The following TRPM3 variants were observed in gnomAD, a reference collection of about 807,000 sequenced individuals.
TRPM3 encodes the protein transient receptor potential cation channel subfamily M member 3.
In TRPM3, 77 loss-of-function variants were observed where a neutral mutation model predicts 181.2. The ratio of observed to expected loss-of-function variants is 0.42; its 90% confidence interval spans 0.35 to 0.51. The LOEUF (loss-of-function observed/expected upper bound fraction) is 0.51. TRPM3 is among the 20% of genes least tolerant of loss of function. The probability of loss-of-function intolerance (pLI) is 0.01; values close to 1 mark genes in which losing one functional copy is unlikely to be tolerated. For synonymous variants in TRPM3, 745 were observed against 796.4 expected (o/e 0.94, Z 1.09); for missense variants, 1,759 against 2,196.7 (o/e 0.80, Z 3.98).
intron 1 of TRPM3, among the ~76,000 whole-genome samples, chr9:71,046,716 C>G (rs879703824): frequency 6.6e-6 from 1 of 152,232 alleles, no homozygotes; most frequent in Admixed American, 6.5e-5. Context: ...TAATTATACA[C>G]ACAAACCCTT....
chr9:70,854,376 T>C (rs1479226351), intron 3 of TRPM3, among the ~76,000 whole-genome samples: 2 of 152,140 alleles, frequency 1.3e-5, no homozygotes, highest in Admixed American at 1.3e-4. Flanking sequence ...TAAACAGGGG[T>C]GATCCTGACG....
chr9:71,142,948 T>A (rs1333246623), intron 1 of TRPM3, among the ~76,000 whole-genome samples: 4 of 138,956 alleles, frequency 2.9e-5, no homozygotes, highest in African/African-American at 1.1e-4. Context: ...TAAAAAATAA[T>A]GGAAAATATA....
intron 1 of TRPM3, among the ~76,000 whole-genome samples, chr9:70,879,958 ACT>A (rs2095954474): frequency 1.3e-5 from 2 of 152,036 alleles, no homozygotes; most frequent in Non-Finnish European, 2.9e-5. Flanking sequence ...TGGTAGACAC[ACT>A]CCTAGTATTG....
chr9:71,421,046 C>T (rs2093764699), intron 1 of TRPM3, among the ~76,000 whole-genome samples: 2 of 144,116 alleles, frequency 1.4e-5, no homozygotes, highest in African/African-American at 5.5e-5. Flanking sequence ...AGAGAACGAA[C>T]TCACGTCCTT....
intron 1 of TRPM3, among the ~76,000 whole-genome samples, chr9:71,309,575 C>T (rs1168179579): frequency 1.3e-5 from 2 of 152,032 alleles, no homozygotes; most frequent in African/African-American, 2.4e-5. Flanking sequence ...GTTTCTCATT[C>T]TAGGGTTTTT....
At chr9:70,687,060 G>T (rs1452393981) in intron 8 of TRPM3, among the ~76,000 whole-genome samples, 3 of 151,900 alleles carry the variant, frequency 2.0e-5, no homozygotes, top group African/African-American at 7.3e-5. Context: ...CTCCCAACGT[G>T]TTGGGATCAC....
intron 1 of TRPM3, among the ~76,000 whole-genome samples, chr9:71,403,059 T>C (rs769758859): frequency 2.6e-5 from 4 of 152,176 alleles, no homozygotes; most frequent in Non-Finnish European, 5.9e-5. Flanking sequence ...TAGGAGGTAA[T>C]GAGTGGATAA....
chr9:70,783,966 A>G, intron 7 of TRPM3, 139 bp downstream of exon 7: 1 of 1,447,536 alleles, frequency 6.9e-7, no homozygotes, highest in Non-Finnish European at 9.1e-7. Flanking sequence ...CCCTCCCATG[A>G]CAGACATTTT....
chr9:71,073,413 A>C (rs906611627), intron 1 of TRPM3, among the ~76,000 whole-genome samples: 1 of 152,172 alleles, frequency 6.6e-6, no homozygotes, highest in Non-Finnish European at 1.5e-5. Flanking sequence ...TCAAAGAAAA[A>C]CATATTGTAT....
intron 1 of TRPM3, among the ~76,000 whole-genome samples, chr9:70,948,835 G>A (rs555519378): frequency 2.8e-4 from 42 of 152,172 alleles, no homozygotes; most frequent in South Asian, 1.2e-3. Context: ...TACTTAAACC[G>A]TTTTTCTATT....
Position 71,279,853 on chromosome 9 carries a change from G to A in TRPM3, c.183+166800C>T, listed in dbSNP as rs565137661. ...AGCACTTTGGGAGGCCGAGGCAGGC[G>A]GATCACCTGAGGTCAGGAGTTCGAG... On this transcript the variant is annotated intron_variant, in intron 1 of 24. Coordinates refer to the TRPM3 transcript ENST00000357533. 5.3e-5 allele frequency among the ~76,000 whole-genome samples: 8 copies of A among 152,164 alleles called. No individual in the cohort carries two copies. In the South Asian group the frequency reaches 6.2e-4, roughly 12 times the overall value.
chr9:70,910,121 T>C (rs547129813), intron 1 of TRPM3, among the ~76,000 whole-genome samples: 1 of 152,340 alleles, frequency 6.6e-6, no homozygotes, highest in East Asian at 1.9e-4. Context: ...ACAGTACCAT[T>C]ATTCATAATA....
chr9:70,935,492 C>T (rs895658700), intron 1 of TRPM3, among the ~76,000 whole-genome samples: 3 of 152,238 alleles, frequency 2.0e-5, no homozygotes, highest in African/African-American at 7.2e-5. Context: ...ATAGTACCAT[C>T]TAAACAGGAA....
In TRPM3 at chr9:71,332,376, GGTGTGT is replaced by G. The variant is rs3041716; in HGVS notation, c.183+114271_183+114276del. ...TCTAGGTCAGTGGTTTTCAATGTTG[GGTGTGT>G]GTGTGTGTGTGTGTGTGTGTGTGTG... On this transcript the variant is annotated intron_variant, in intron 1 of 24. Transcript: ENST00000357533. Among the ~76,000 whole-genome samples the G allele has an allele frequency of 2.8e-4, 40 of 142,316 alleles. 1 individual carries two copies. The highest frequency in any genetic ancestry group is 1.6e-3 in the East Asian group (8 of 4,892). 93.4% of individuals were successfully genotyped at this position (142,316 alleles called of 152,430 possible).
Position 71,187,889 on chromosome 9 carries a change from T to TGATA in TRPM3, c.183+258760_183+258763dup, listed in dbSNP as rs5898183. Among the ~76,000 whole-genome samples the TGATA allele has an allele frequency of 9.1e-3, 1,334 of 146,192 alleles. 5 individuals are homozygous for TGATA. Among genetic ancestry groups the TGATA allele is most frequent in the Non-Finnish European group, 0.012 (765 of 66,320 alleles). On this transcript the variant is annotated intron_variant, in intron 1 of 24. Coordinates refer to the TRPM3 transcript ENST00000357533. ...TCTTCAAGACAGACAGGCAGACAGATGATAGATAGATAGATAGATAGATAG... is the reference window on the plus strand; with the variant it reads ...TCTTCAAGACAGACAGGCAGACAGATGATAGATAGATAGATAGATAGATAGATAG...
chr9:70,943,356 C>T (rs535423926), intron 1 of TRPM3, among the ~76,000 whole-genome samples: 3 of 152,190 alleles, frequency 2.0e-5, no homozygotes, highest in Non-Finnish European at 2.9e-5. Context: ...AATGCCATTG[C>T]ATTTACCCAT....
At chr9:70,867,001 C>T (rs2095663520) in intron 1 of TRPM3, among the ~76,000 whole-genome samples, 2 of 152,016 alleles carry the variant, frequency 1.3e-5, no homozygotes, top group Non-Finnish European at 1.5e-5. Context: ...ATGAAATACC[C>T]TTGTTATGGG....
At chr9:70,972,246 A>G (rs1231037374) in intron 1 of TRPM3, among the ~76,000 whole-genome samples, 4 of 152,242 alleles carry the variant, frequency 2.6e-5, no homozygotes, top group Non-Finnish European at 5.9e-5. Flanking sequence ...AAGGAATACA[A>G]TTGTGATTCA....
At chr9:71,003,205 A>AAC (rs903708826) in intron 1 of TRPM3, among the ~76,000 whole-genome samples, 6 of 142,316 alleles carry the variant, frequency 4.2e-5, no homozygotes, top group Non-Finnish European at 6.3e-5. Context: ...AAAAAAAAAA[A>AAC]AAAAAACACT....
Sources: allele counts gnomAD v4.1 joint callset (sites outside exome capture counted in the v4.1 genomes callset), GRCh38; gene constraint gnomAD v4.1.1; transcripts MANE v1.5; gene names NCBI Gene and HGNC (gene_info 2026-07-23, HGNC 2026-07-21).